RBM19: variants seen among roughly 807,000 people sequenced by gnomAD.
RBM19 encodes RNA binding motif protein 19.
In RBM19, 94 loss-of-function variants were observed where a neutral mutation model predicts 116.8. The ratio of observed to expected loss-of-function variants is 0.80; its 90% CI spans 0.68 to 0.95. RBM19 has a LOEUF of 0.95. Among genes scored for constraint, RBM19 ranks in the 40% least tolerant of loss-of-function variants. RBM19 has a pLI of 0.00. For missense variants in RBM19, 1,161 were observed against 1,220.7 expected (o/e 0.95, Z 0.73); for synonymous variants, 475 against 494.1 (o/e 0.96, Z 0.51).
chr12:113,915,339 C>T (rs1197346190), intron 20 of RBM19, among the ~76,000 whole-genome samples: 1 of 152,114 alleles, frequency 6.6e-6, no homozygotes, highest in East Asian at 1.9e-4. Context: ...TCCGGGGCCA[C>T]CAGGGACTTA....
intron 7 of RBM19, among the ~76,000 whole-genome samples, chr12:113,954,561 T>C (rs1871747869): frequency 6.6e-6 from 1 of 152,220 alleles, no homozygotes; most frequent in Non-Finnish European, 1.5e-5. Context: ...TTAGTAGTCA[T>C]CCTACTTACA....
At chr12:113,824,339 A>G (rs912130126) in intron 23 of RBM19, among the ~76,000 whole-genome samples, 4 of 152,154 alleles carry the variant, frequency 2.6e-5, no homozygotes, top group African/African-American at 9.7e-5. Context: ...TAGGCAGAGA[A>G]CTCCAAGGGG....
At chr12:113,831,814 C>G in intron 23 of RBM19, among the ~76,000 whole-genome samples, 1 of 152,310 alleles carries the variant, frequency 6.6e-6, no homozygotes, top group East Asian at 1.9e-4. Context: ...CACCGCCCAG[C>G]GAGGCTCAGG....
chr12:113,847,137 G>A (rs1297883642), intron 22 of RBM19, among the ~76,000 whole-genome samples: 2 of 152,124 alleles, frequency 1.3e-5, no homozygotes, highest in African/African-American at 2.4e-5. Flanking sequence ...TCCCTATTGG[G>A]GCTGGCTGTG....
chr12:113,859,029 C>G (rs1878152692), intron 21 of RBM19, 133 bp from the exon 22 acceptor site: 1 of 749,556 alleles, frequency 1.3e-6, no homozygotes, highest in African/African-American at 1.7e-5. Flanking sequence ...CACACACGCT[C>G]ACACATGTCA....
intron 21 of RBM19, among the ~76,000 whole-genome samples, chr12:113,880,530 T>G (rs1475513934): frequency 6.6e-6 from 1 of 152,178 alleles, no homozygotes; most frequent in African/African-American, 2.4e-5. Flanking sequence ...GTGGCTTCGG[T>G]CTCAGGGGAA....
At chr12:113,917,723 C>A (rs1882853816) in intron 20 of RBM19, among the ~76,000 whole-genome samples, 1 of 152,214 alleles carries the variant, frequency 6.6e-6, no homozygotes, top group South Asian at 2.1e-4. Flanking sequence ...TCACCCGATG[C>A]AAGTAGATGA....
intron 21 of RBM19, among the ~76,000 whole-genome samples, chr12:113,890,026 C>T (rs756023905): frequency 1.3e-5 from 2 of 152,246 alleles, no homozygotes; most frequent in African/African-American, 2.4e-5. Flanking sequence ...GGAGCCCAGG[C>T]AGCTGGGAGC....
chr12:113,848,945 G>C (rs1384345432), intron 22 of RBM19, among the ~76,000 whole-genome samples: 1 of 152,178 alleles, frequency 6.6e-6, no homozygotes, highest in Non-Finnish European at 1.5e-5. Context: ...GGCACTCCAA[G>C]CATATGACCT....
At chr12:113,835,876 T>C (rs886661979) in intron 23 of RBM19, among the ~76,000 whole-genome samples, 2 of 152,174 alleles carry the variant, frequency 1.3e-5, no homozygotes, top group Admixed American at 6.5e-5. Flanking sequence ...AGAGCCACGC[T>C]CCCAGCCAAA....
chr12:113,930,831 C>A (rs1467950124), intron 16 of RBM19, among the ~76,000 whole-genome samples: 1 of 152,154 alleles, frequency 6.6e-6, no homozygotes, highest in Non-Finnish European at 1.5e-5. Flanking sequence ...CTTTAGAGAT[C>A]TGCCGGAGAA....
In RBM19 at chr12:113,952,796, T is replaced by C. The variant is rs528852598; in HGVS notation, c.922-206A>G. Reference sequence around the variant, plus strand: ...GGAGGAGAAATGAGTAATATAAATATAAAATAGCAGTGTCACTATCAGCGT... The same window carrying C: ...GGAGGAGAAATGAGTAATATAAATACAAAATAGCAGTGTCACTATCAGCGT... On this transcript the variant is annotated intron_variant, in intron 7 of 23. Coordinates refer to ENST00000261741, the MANE Select transcript of RBM19 (RefSeq NM_016196.4). 2.6e-5 allele frequency among the ~76,000 whole-genome samples: 4 copies of C among 152,304 alleles called. No homozygotes were observed. In the East Asian group the frequency reaches 7.7e-4, roughly 29 times the overall value.
intron 16 of RBM19, among the ~76,000 whole-genome samples, chr12:113,929,269 A>C (rs1051271688): frequency 1.3e-5 from 2 of 152,176 alleles, no homozygotes; most frequent in African/African-American, 4.8e-5. Context: ...TCAAGTCCTA[A>C]TTAAGCTTCG....
At chr12:113,876,832 G>T (rs568644786) in intron 21 of RBM19, among the ~76,000 whole-genome samples, 2 of 152,104 alleles carry the variant, frequency 1.3e-5, no homozygotes, top group Non-Finnish European at 2.9e-5. Flanking sequence ...TAAGAAAAAA[G>T]AAGTAAAATG....
intron 21 of RBM19, among the ~76,000 whole-genome samples, chr12:113,913,807 T>A (rs1217425934): frequency 2.0e-5 from 3 of 152,202 alleles, no homozygotes; most frequent in African/African-American, 7.2e-5. Context: ...GAATCCTAAA[T>A]GTTCACCCAC....
chr12:113,941,109 T>C (rs771559785), intron 14 of RBM19, among the ~76,000 whole-genome samples: 6 of 152,200 alleles, frequency 3.9e-5, no homozygotes, highest in Non-Finnish European at 7.3e-5. Context: ...CCTGAGACCT[T>C]GGGTCAATTA....
At chr12:113,871,950 G>A (rs1488951469) in intron 21 of RBM19, among the ~76,000 whole-genome samples, 35 of 151,564 alleles carry the variant, frequency 2.3e-4, no homozygotes, top group African/African-American at 7.5e-4. Flanking sequence ...CTGCCACCCC[G>A]TCTGGGAAGT....
At chr12:113,842,270 C>T (rs1876554123) in intron 23 of RBM19, among the ~76,000 whole-genome samples, 1 of 152,336 alleles carries the variant, frequency 6.6e-6, no homozygotes, top group Middle Eastern at 3.4e-3. Flanking sequence ...AGCCTGCACT[C>T]CTCGGCTGGC....
intron 23 of RBM19, among the ~76,000 whole-genome samples, chr12:113,843,255 G>A (rs1243425619): frequency 6.6e-6 from 1 of 152,194 alleles, no homozygotes; most frequent in Non-Finnish European, 1.5e-5. Flanking sequence ...GCAGAGAAGT[G>A]GGGTTGGGGG....
Sources: allele counts gnomAD v4.1 joint callset (sites outside exome capture counted in the v4.1 genomes callset), GRCh38; gene constraint gnomAD v4.1.1; transcripts MANE v1.5; gene names NCBI Gene and HGNC (gene_info 2026-07-23, HGNC 2026-07-21).